The following DPF1 variants were observed in gnomAD, a reference collection of about 807,000 sequenced individuals.
DPF1 encodes double PHD fingers 1.
A neutral mutation model predicts 58.7 loss-of-function variants in DPF1; 14 were observed. The observed-to-expected ratio is 0.24, with a 90% CI of 0.16 to 0.37. DPF1 has a LOEUF of 0.37. Among genes scored for constraint, DPF1 ranks in the 10% least tolerant of loss-of-function variants. DPF1 has a pLI of 1.00. For missense variants in DPF1, 345 were observed against 529.9 expected, an observed-to-expected ratio of 0.65 and a Z score of 3.43; for synonymous variants, 216 against 216.0, an observed-to-expected ratio of 1.00 and a Z score of 0.00.
chr19:38,222,153 G>T lies in DPF1; in HGVS notation c.298+204C>A, dbSNP rs1253114538. 6.6e-6 allele frequency among the ~76,000 whole-genome samples: 1 copy of T among 151,484 alleles called. No homozygotes were observed. The highest frequency in any genetic ancestry group is 2.4e-5 in the African/African-American group (1 of 41,250). On this transcript the variant is annotated intron_variant, in intron 3 of 11. Coordinates refer to ENST00000355526, the MANE Select transcript of DPF1 (RefSeq NM_001135155.3). The surrounding 1 kb of genome is among the most constrained non-coding windows in gnomAD (Gnocchi z 4.9). ...TAAATAACAACAACTGGGCACCTGG[G>T]CCCATGTAGGAGGAGATGCAGTCGC...
chr19:38,216,035 TC>T (rs1966989480), intron 9 of DPF1, 104 bp downstream of exon 9: 3 of 1,496,234 alleles, frequency 2.0e-6, no homozygotes, highest in African/African-American at 2.8e-5. Flanking sequence ...CCCTACATGC[TC>T]CGGGTCCCCT....
upstream of DPF1, among the ~76,000 whole-genome samples, chr19:38,225,554 G>A (rs1967780351): frequency 6.6e-6 from 1 of 151,488 alleles, no homozygotes; most frequent in Non-Finnish European, 1.5e-5. Flanking sequence ...GGGTGGCAGA[G>A]CGAGACTCTG....
At chr19:38,219,410 C>G in intron 3 of DPF1, 1 of 249,958 alleles carries the variant, frequency 4.0e-6, no homozygotes, top group Admixed American at 5.1e-5. Flanking sequence ...AGAGGAGACA[C>G]AGGGACACCC....
At chr19:38,221,397 G>A (rs997348180) in intron 3 of DPF1, among the ~76,000 whole-genome samples, 1 of 151,922 alleles carries the variant, frequency 6.6e-6, no homozygotes, top group African/African-American at 2.4e-5. Context: ...AAAATTAGCC[G>A]GGCATGTCAG....
upstream of DPF1, among the ~76,000 whole-genome samples, chr19:38,227,373 C>G (rs926790805): frequency 7.9e-5 from 12 of 152,048 alleles, no homozygotes; most frequent in African/African-American, 2.9e-4. Context: ...CCACCATGCC[C>G]GGCCCACCAG....
intron 9 of DPF1, 66 bp from the exon 10 acceptor site, chr19:38,213,822 G>A: frequency 7.2e-7 from 1 of 1,390,790 alleles, no homozygotes; most frequent in Admixed American, 1.8e-5. Context: ...CTGACCGGCA[G>A]GGGAGCCATA....
At chr19:38,226,250 G>A (rs1039683041), upstream of DPF1, among the ~76,000 whole-genome samples, 3 of 19,246 alleles carry the variant, frequency 1.6e-4, no homozygotes, top group Admixed American at 2.0e-3. Context: ...CCCCCCTCCC[G>A]TCTCACCCCT....
chr19:38,229,651 C>A lies in DPF1; in HGVS notation c.-224G>T. The A allele has an allele frequency of 8.1e-6, 7 of 866,888 alleles. No individual in the cohort carries two copies. The highest frequency in any genetic ancestry group is 9.7e-6 in the Non-Finnish European group (7 of 721,078). The allele number at this position is 866,888 out of a possible 1,614,324, so 53.7% of individuals were successfully genotyped here. ...CCGCTGCCGCCGCGCGCGGGCCCAG[C>A]CCGGCCTGCGCCGCCCGCTCTGCCG... On this transcript the variant is annotated 5_prime_UTR_variant, in exon 1 of 12. Transcript: ENST00000412732. This position sits in a 1 kb window ranked among gnomAD's most constrained non-coding sequence, Gnocchi z 5.3.
chr19:38,213,321 C>G (rs906128050), intron 10 of DPF1, among the ~76,000 whole-genome samples: 1 of 152,192 alleles, frequency 6.6e-6, no homozygotes, highest in Non-Finnish European at 1.5e-5. Flanking sequence ...ACCAGCTCTG[C>G]CAGCAGTGGT....
At chr19:38,213,587 G>A in intron 10 of DPF1, 57 bp downstream of exon 10, 2 of 1,488,632 alleles carry the variant, frequency 1.3e-6, no homozygotes, top group South Asian at 1.2e-5. Flanking sequence ...AAGGGGCAGA[G>A]GTGGACGTGC....
upstream of DPF1, among the ~76,000 whole-genome samples, chr19:38,226,171 TC>T (rs1272378368): frequency 1.3e-5 from 2 of 151,314 alleles, no homozygotes; most frequent in African/African-American, 4.9e-5. Context: ...CCCGAAGAGA[TC>T]CCCAGGGAGT....
chr19:38,217,206 AC>A (rs1054317526), intron 7 of DPF1, among the ~76,000 whole-genome samples: 1 of 149,872 alleles, frequency 6.7e-6, no homozygotes, highest in African/African-American at 2.5e-5. Flanking sequence ...GCCATCTATC[AC>A]CCCCCCTCCC....
chr19:38,223,487 A>G (rs994981632), intron 1 of DPF1, among the ~76,000 whole-genome samples: 1 of 151,248 alleles, frequency 6.6e-6, no homozygotes, highest in Non-Finnish European at 1.5e-5. Flanking sequence ...TCACACATCC[A>G]CACAGACACA....
At chr19:38,217,340 G>A (rs372418718) in intron 7 of DPF1, 120 bp downstream of exon 7, 25 of 1,362,946 alleles carry the variant, frequency 1.8e-5, no homozygotes, top group Admixed American at 9.5e-5. Flanking sequence ...TGGGGGGAGG[G>A]AACGGCTGAG....
rs1973472956 is a variant in DPF1, at chr19:38,212,091, T to C, written c.1136A>G (p.Lys379Arg). The change falls in exon 12 of 12, where the codon AAG (lysine) becomes AGG (arginine). Residue 379 changes from lysine to arginine, a missense_variant. Physicochemically the swap from Lys to Arg is conservative, Grantham distance 26. Coordinates refer to ENST00000355526, the MANE Select transcript of DPF1 (RefSeq NM_001135155.3). ...GGTGAGGGTGATGTAAGCAGAAGCCTTTTCCTTCAGGTGCCGGAGACAGAG... is the reference window on the plus strand; with the variant it reads ...GGTGAGGGTGATGTAAGCAGAAGCCCTTTCCTTCAGGTGCCGGAGACAGAG... ...CHLCLRHLKE[K>R]ASAYITLT 6.2e-7 allele frequency: 1 copy of C among 1,612,218 alleles called. No individual in the cohort carries two copies. The highest frequency in any genetic ancestry group is 2.2e-5 in the East Asian group (1 of 44,806).
chr19:38,213,176 C>T (rs1167189723), intron 10 of DPF1, among the ~76,000 whole-genome samples: 2 of 151,830 alleles, frequency 1.3e-5, no homozygotes, highest in African/African-American at 2.4e-5. Context: ...GGTTTCACCA[C>T]GTTGGCCAGG....
chr19:38,228,695 C>G (rs1469428696), upstream of DPF1: 1 of 152,108 alleles, frequency 6.6e-6, no homozygotes, highest in Non-Finnish European at 1.5e-5. Context: ...GAAGCAAGAG[C>G]GAGATGGAGA....
At chr19:38,215,334 A>G (rs1966938078) in intron 9 of DPF1, among the ~76,000 whole-genome samples, 1 of 151,882 alleles carries the variant, frequency 6.6e-6, no homozygotes, top group African/African-American at 2.4e-5. Context: ...TCTACTAAAA[A>G]TATTAAAAAT....
Position 38,224,159 on chromosome 19 carries a change from T to C in DPF1, c.-17A>G. 1.4e-6 allele frequency: 2 copies of C among 1,454,232 alleles called. No individual in the cohort carries two copies. Among genetic ancestry groups the C allele is most frequent in the Non-Finnish European group, 1.8e-6 (2 of 1,106,942 alleles). The allele number at this position is 1,454,232 out of a possible 1,614,324, so 90.1% of individuals were successfully genotyped here. On this transcript the variant is annotated 5_prime_UTR_variant, in exon 1 of 12. Coordinates refer to ENST00000355526, the MANE Select transcript of DPF1 (RefSeq NM_001135155.3). This position sits in a 1 kb window ranked among gnomAD's most constrained non-coding sequence, Gnocchi z 4.5. ...AGTGGCCATCTTGCTCCCCGGGTCC[T>C]GCCCCCAGCAGGTCCCCGCCGGGTC...
Sources: allele counts gnomAD v4.1 joint callset (sites outside exome capture counted in the v4.1 genomes callset), GRCh38; gene constraint gnomAD v4.1.1; non-coding constraint Gnocchi (gnomAD v3.1); transcripts MANE v1.5; gene names NCBI Gene and HGNC (gene_info 2026-07-23, HGNC 2026-07-21).